Variants in SLC37A3 observed in about 807,000 individuals in gnomAD.
SLC37A3 encodes solute carrier family 37 member 3.
Under a neutral mutation model 67.1 loss-of-function variants are expected in SLC37A3, and 51 were observed. The observed-to-expected ratio is 0.76, with a 90% CI of 0.61 to 0.96. SLC37A3 has a LOEUF of 0.96. SLC37A3 is among the 40% of genes least tolerant of loss of function. SLC37A3 has a pLI of 0.00. For missense variants in SLC37A3, 508 were observed against 603.0 expected (o/e 0.84, Z 1.65); for synonymous variants, 214 against 231.4 (o/e 0.92, Z 0.68).
chr7:140,352,330 CT>C, intron 7 of SLC37A3, 184 bp from the exon 8 acceptor site: 2 of 604,144 alleles, frequency 3.3e-6, no homozygotes. Flanking sequence ...CTCGTGTTTT[CT>C]CATTTAATTC....
At chr7:140,359,899 A>C (rs544248005) in intron 5 of SLC37A3, among the ~76,000 whole-genome samples, 8 of 152,326 alleles carry the variant, frequency 5.3e-5, no homozygotes, top group Non-Finnish European at 1.2e-4. Context: ...CAGTTTTTAA[A>C]AAATACATAA....
In SLC37A3 at chr7:140,337,350, C is replaced by T. The variant is rs1796183387; in HGVS notation, c.1327-1G>A. ...TGTCCCGGATCAGAGACACTAAATA[C>T]TGAAAGGGAGGAAAAAAAAATTACA... On this transcript the variant is annotated splice_acceptor_variant, in intron 13 of 14. Coordinates refer to ENST00000326232, the MANE Select transcript of SLC37A3 (RefSeq NM_207113.3). LOFTEE classifies it high-confidence loss of function. The T allele has an allele frequency of 6.3e-7, 1 of 1,575,896 alleles. No homozygotes were observed. The highest frequency in any genetic ancestry group is 8.6e-7 in the Non-Finnish European group (1 of 1,165,166).
intron 1 of SLC37A3, among the ~76,000 whole-genome samples, chr7:140,390,271 G>A (rs978728756): frequency 2.6e-5 from 4 of 151,826 alleles, no homozygotes; most frequent in African/African-American, 7.3e-5. Context: ...CCCACCCCCA[G>A]CCCTTTTGAC....
Position 140,364,486 on chromosome 7 carries a change from T to C in SLC37A3, c.297A>G (p.Leu99=), listed in dbSNP as rs1053373116. The change falls in exon 5 of 15, where the codon CTA becomes CTG. Residue 99 remains leucine, a synonymous_variant. Coordinates refer to ENST00000326232, the MANE Select transcript of SLC37A3 (RefSeq NM_207113.3). ...TIFLFSYAVG[L]FISGIVGDRL... ...GATCCCCAACGATGCCACTGATGAA[T>C]AGGCCCTAAAAATAAAGCATTTTCT... is the stretch of plus-strand genomic sequence containing the variant. 1.9e-6 allele frequency: 3 copies of C among 1,613,866 alleles called. No homozygotes were observed. Among genetic ancestry groups the C allele is most frequent in the Admixed American group, 3.3e-5 (2 of 59,976 alleles).
Position 140,382,606 on chromosome 7 carries a change from C to T in SLC37A3, c.-70-10G>A. 1 of 1,223,260 alleles carries T rather than the reference C, an allele frequency of 8.2e-7. No homozygotes were observed. The highest frequency in any genetic ancestry group is 1.9e-5 in the Admixed American group (1 of 53,122). The allele number at this position is 1,223,260 out of a possible 1,614,324, so 75.8% of individuals were successfully genotyped here. A position where few individuals can be genotyped will look rare whatever the true frequency, so the allele number is the denominator to read the frequency against. The stretch of plus-strand genomic sequence containing the variant: ...ACATCATTTCTTCCTTCTGGAAAGA[C>T]AAAACACATTATGGACATTATTAAA... On this transcript the variant is annotated splice_polypyrimidine_tract_variant and intron_variant, in intron 1 of 14. Coordinates refer to ENST00000326232, the MANE Select transcript of SLC37A3 (RefSeq NM_207113.3).
chr7:140,335,477 G>A lies in SLC37A3; in HGVS notation c.1420C>T (p.Pro474Ser). ...GAGAATATTTCCCTCACTATTAATGGCGAGATAAACACAATTGTACAACTT... is the reference window on the plus strand; with the variant it reads ...GAGAATATTTCCCTCACTATTAATGACGAGATAAACACAATTGTACAACTT... ...MTSCTIVFIS[P>S]LIVREIFSLV... Residue 474 changes from proline (P) to serine (S), a missense_variant, in exon 15 of 15, where the codon CCA (proline) becomes TCA (serine). Physicochemically the swap from Pro to Ser is moderately conservative, Grantham distance 74. Transcript: ENST00000326232. 4 of 1,613,964 alleles carry A rather than the reference G, an allele frequency of 2.5e-6. No homozygotes were observed. Among genetic ancestry groups the A allele is most frequent in the Non-Finnish European group, 3.4e-6 (4 of 1,180,026 alleles).
intron 13 of SLC37A3, among the ~76,000 whole-genome samples, chr7:140,338,787 A>G (rs1563004015): frequency 1.3e-5 from 2 of 151,324 alleles, no homozygotes. Context: ...TTCTTTTTAA[A>G]TGGAGTCTTG....
intron 3 of SLC37A3, among the ~76,000 whole-genome samples, chr7:140,374,236 C>T (rs1413434468): frequency 1.3e-5 from 2 of 152,136 alleles, no homozygotes; most frequent in Non-Finnish European, 2.9e-5. Context: ...TGGCTCACGC[C>T]TACAATCCCA....
At chr7:140,349,474 G>A (rs1796705661) in intron 9 of SLC37A3, among the ~76,000 whole-genome samples, 1 of 149,994 alleles carries the variant, frequency 6.7e-6, no homozygotes, top group Non-Finnish European at 1.5e-5. Flanking sequence ...TGGTGGTGGG[G>A]CTGAGACTCC....
chr7:140,377,694 T>C (rs1798088091), intron 3 of SLC37A3, among the ~76,000 whole-genome samples: 2 of 152,126 alleles, frequency 1.3e-5, no homozygotes, highest in Non-Finnish European at 2.9e-5. Flanking sequence ...ACTTAAGAAA[T>C]GTTTTTCTGT....
chr7:140,375,872 T>C (rs1798013092), intron 3 of SLC37A3, among the ~76,000 whole-genome samples: 2 of 152,218 alleles, frequency 1.3e-5, no homozygotes, highest in Non-Finnish European at 2.9e-5. Flanking sequence ...CAAACAGTCT[T>C]TTCAGCAATG....
At chr7:140,346,469 T>C (rs1796566403) in intron 10 of SLC37A3, among the ~76,000 whole-genome samples, 1 of 152,128 alleles carries the variant, frequency 6.6e-6, no homozygotes, top group African/African-American at 2.4e-5. Context: ...TGATGACCAG[T>C]GGGGACAGGA....
chr7:140,387,936 G>A (rs1179357582), intron 1 of SLC37A3, among the ~76,000 whole-genome samples: 2 of 137,362 alleles, frequency 1.5e-5, no homozygotes, highest in Non-Finnish European at 3.0e-5. Flanking sequence ...TAGAGGCTCA[G>A]TGAGCCGTGA....
intron 9 of SLC37A3, among the ~76,000 whole-genome samples, chr7:140,350,430 A>C (rs1585271725): frequency 1.3e-5 from 2 of 152,198 alleles, no homozygotes; most frequent in African/African-American, 4.8e-5. Context: ...ACTGGAATGC[A>C]TTACCAAGAA....
chr7:140,377,291 C>G (rs1305381889), intron 3 of SLC37A3, among the ~76,000 whole-genome samples: 1 of 151,810 alleles, frequency 6.6e-6, no homozygotes, highest in Non-Finnish European at 1.5e-5. Flanking sequence ...TCTCAAACTC[C>G]TGGGCTCAAG....
At chr7:140,335,846 A>C (rs1479417357) in intron 14 of SLC37A3, among the ~76,000 whole-genome samples, 1 of 152,242 alleles carries the variant, frequency 6.6e-6, no homozygotes, top group Non-Finnish European at 1.5e-5. Flanking sequence ...TCACATCAGA[A>C]AGTTCATCAC....
chr7:140,358,885 G>T, intron 5 of SLC37A3, 100 bp from the exon 6 acceptor site: 1 of 1,428,070 alleles, frequency 7.0e-7, no homozygotes, highest in Non-Finnish European at 9.7e-7. Flanking sequence ...CCACGTGAAG[G>T]ATACACTCAC....
At chr7:140,345,993 T>C (rs1796543366) in intron 10 of SLC37A3, 23 bp from the exon 11 acceptor site, 2 of 1,567,548 alleles carry the variant, frequency 1.3e-6, no homozygotes, top group Non-Finnish European at 1.8e-6. Flanking sequence ...TGTCGAGCAA[T>C]CAAAATCACT....
At chr7:140,369,761 C>T in intron 3 of SLC37A3, 79 bp from the exon 4 acceptor site, 1 of 1,135,660 alleles carries the variant, frequency 8.8e-7, no homozygotes. Context: ...CCTTCACAAA[C>T]ACTTCCAAAG....
Sources: allele counts gnomAD v4.1 joint callset (sites outside exome capture counted in the v4.1 genomes callset), GRCh38; gene constraint gnomAD v4.1.1; transcripts MANE v1.5; gene names NCBI Gene and HGNC (gene_info 2026-07-23, HGNC 2026-07-21).